The following ADGRL3 variants were observed in gnomAD, a reference collection of about 807,000 sequenced individuals.
The protein encoded by ADGRL3 is adhesion G protein-coupled receptor L3, also known as calcium-independent alpha-latrotoxin receptor 3.
In ADGRL3, 62 loss-of-function variants were observed where a neutral mutation model predicts 153.5. That is an observed-to-expected ratio of 0.40 (90% CI 0.33 to 0.50). The LOEUF (loss-of-function observed/expected upper bound fraction) is 0.50. Among genes scored for constraint, ADGRL3 ranks in the 20% least tolerant of loss-of-function variants. ADGRL3 has a pLI of 0.47. For missense variants in ADGRL3, 1,641 were observed against 1,859.4 expected (o/e 0.88, Z 2.16); for synonymous variants, 710 against 672.5 (o/e 1.06, Z -0.86).
intron 9 of ADGRL3, among the ~76,000 whole-genome samples, chr4:61,892,183 T>C (rs1397948499): frequency 7.1e-5 from 1 of 14,106 alleles, no homozygotes; most frequent in Non-Finnish European, 1.7e-4. Context: ...TTCTGTTTCC[T>C]TTTTTTTTTT....
intron 15 of ADGRL3, among the ~76,000 whole-genome samples, chr4:61,938,344 T>C (rs1490094426): frequency 6.6e-6 from 1 of 152,210 alleles, no homozygotes; most frequent in Non-Finnish European, 1.5e-5. Flanking sequence ...AATTATGTTA[T>C]AACAGATAAG....
chr4:61,529,194 C>G (rs335304), intron 4 of ADGRL3, among the ~76,000 whole-genome samples: 63,547 of 151,918 alleles, frequency 0.42, 13,782 homozygotes, highest in Non-Finnish European at 0.47. Flanking sequence ...TATAATATGT[C>G]TGTAGCTTAC....
intron 25 of ADGRL3, among the ~76,000 whole-genome samples, chr4:62,046,041 AACC>A (rs1730957686): frequency 6.6e-6 from 1 of 151,910 alleles, no homozygotes; most frequent in South Asian, 2.1e-4. Context: ...ACGCCTCCAT[AACC>A]TAGGATTAAT....
At chr4:61,935,060 CTT>C (rs777789933) in intron 14 of ADGRL3, 37 bp downstream of exon 14, 1 of 1,570,462 alleles carries the variant, frequency 6.4e-7, no homozygotes. Context: ...TCCAGACACT[CTT>C]GTATATCAGA....
chr4:61,704,441 T>C (rs1180078510), intron 6 of ADGRL3, among the ~76,000 whole-genome samples: 1 of 152,192 alleles, frequency 6.6e-6, no homozygotes, highest in Non-Finnish European at 1.5e-5. Flanking sequence ...ATACCTTAAT[T>C]AAAAATATTT....
chr4:61,753,016 T>C (rs550967662), intron 8 of ADGRL3, among the ~76,000 whole-genome samples: 1 of 152,180 alleles, frequency 6.6e-6, no homozygotes, highest in South Asian at 2.1e-4. Flanking sequence ...CAACTGAAAC[T>C]TCCCCCAGGA....
chr4:61,964,777 G>A (rs921620406), intron 17 of ADGRL3, among the ~76,000 whole-genome samples: 10 of 151,724 alleles, frequency 6.6e-5, no homozygotes, highest in African/African-American at 2.4e-4. Flanking sequence ...AAATATAATG[G>A]TTCTAATCAT....
intron 4 of ADGRL3, among the ~76,000 whole-genome samples, chr4:61,526,730 A>G (rs1156455256): frequency 6.6e-6 from 1 of 152,060 alleles, no homozygotes; most frequent in Non-Finnish European, 1.5e-5. Context: ...TGCCACTGCA[A>G]TTTAGCCTGG....
rs566348348 is a variant in ADGRL3 at position 61,831,162 on chromosome 4, T to G, written c.1480+17273T>G. Among the ~76,000 whole-genome samples, 35 of 152,198 alleles carry G rather than the reference T, an allele frequency of 2.3e-4. 1 individual carries two copies. The South Asian group carries it at 7.1e-3, about 31-fold the overall frequency. On this transcript the variant is annotated intron_variant, in intron 9 of 26. Coordinates refer to ENST00000683033, the MANE Select transcript of ADGRL3 (RefSeq NM_001387552.1). Reference sequence around the variant, plus strand: ...CCTCTGCCTCCCAAAGTGCTGGGATTACAGGCGTGAGCCACCACACCCGGC... The same window carrying G: ...CCTCTGCCTCCCAAAGTGCTGGGATGACAGGCGTGAGCCACCACACCCGGC...
At chr4:62,043,170 A>G (rs1023113414) in intron 24 of ADGRL3, among the ~76,000 whole-genome samples, 1 of 152,006 alleles carries the variant, frequency 6.6e-6, no homozygotes, top group African/African-American at 2.4e-5. Flanking sequence ...ATTTGTGGGC[A>G]TATTGTACTT....
chr4:61,763,766 T>C (rs1019302148), intron 8 of ADGRL3, among the ~76,000 whole-genome samples: 5 of 152,182 alleles, frequency 3.3e-5, no homozygotes, highest in Non-Finnish European at 7.4e-5. Flanking sequence ...ATATATAATT[T>C]AGCATAATTC....
In ADGRL3 at chr4:61,283,079, A is replaced by G. The variant is rs1468902638; in HGVS notation, c.-240+81314A>G. ...CTACATGGTTCTTCCTTTGTAATAC[A>G]TTCTTATGGCAAACAGAACATTAAG... On this transcript the variant is annotated intron_variant, in intron 1 of 26. Coordinates refer to ENST00000683033, the MANE Select transcript of ADGRL3 (RefSeq NM_001387552.1). Among the ~76,000 whole-genome samples, 3 of 151,992 alleles carry G rather than the reference A, an allele frequency of 2.0e-5. No homozygotes were observed. In the East Asian group the frequency reaches 5.8e-4, roughly 29 times the overall value.
At chr4:62,022,023 G>A (rs2099240532) in intron 21 of ADGRL3, among the ~76,000 whole-genome samples, 1 of 152,206 alleles carries the variant, frequency 6.6e-6, no homozygotes, top group East Asian at 1.9e-4. Flanking sequence ...AGTGAGGAAG[G>A]CATGTCGAAA....
At chr4:61,925,721 C>A (rs143771622) in intron 13 of ADGRL3, among the ~76,000 whole-genome samples, 1 of 152,208 alleles carries the variant, frequency 6.6e-6, no homozygotes, top group Non-Finnish European at 1.5e-5. Flanking sequence ...AATACCAAAC[C>A]ATGACGGCTC....
chr4:61,916,443 T>C (rs2098745468), intron 13 of ADGRL3, among the ~76,000 whole-genome samples: 2 of 151,694 alleles, frequency 1.3e-5, no homozygotes, highest in Non-Finnish European at 2.9e-5. Context: ...GAATATAGCC[T>C]GGGGAGCATA....
intron 8 of ADGRL3, among the ~76,000 whole-genome samples, chr4:61,753,918 A>G (rs1388490495): frequency 1.3e-5 from 2 of 152,174 alleles, no homozygotes; most frequent in Non-Finnish European, 2.9e-5. Context: ...AGGCTAGGAT[A>G]CCAAGCCAAT....
intron 6 of ADGRL3, among the ~76,000 whole-genome samples, chr4:61,713,549 A>T (rs2096045800): frequency 6.6e-6 from 1 of 151,784 alleles, no homozygotes. Flanking sequence ...GTATATGTAA[A>T]TCAGTAAATG....
intron 21 of ADGRL3, among the ~76,000 whole-genome samples, chr4:62,008,100 A>G (rs2099167984): frequency 6.6e-6 from 1 of 152,076 alleles, no homozygotes; most frequent in Admixed American, 6.6e-5. Context: ...GACTTATTAG[A>G]GTGGGGTGAA....
chr4:61,860,990 T>C (rs889609867), intron 9 of ADGRL3, among the ~76,000 whole-genome samples: 1 of 152,202 alleles, frequency 6.6e-6, no homozygotes, highest in African/African-American at 2.4e-5. Context: ...AAATCACTCA[T>C]CATTTTGTGT....
Sources: allele counts gnomAD v4.1 joint callset (sites outside exome capture counted in the v4.1 genomes callset), GRCh38; gene constraint gnomAD v4.1.1; transcripts MANE v1.5; gene names NCBI Gene and HGNC (gene_info 2026-07-23, HGNC 2026-07-21).